Variants in FRYL observed in about 807,000 individuals in gnomAD.
The protein encoded by FRYL is protein furry homolog-like.
A neutral mutation model predicts 351.2 loss-of-function variants in FRYL; 150 were observed. The observed-to-expected ratio is 0.43, with a 90% CI of 0.37 to 0.49. FRYL has a LOEUF of 0.49. Ranked by LOEUF, FRYL falls within the 20% of genes least tolerant of loss-of-function variation. FRYL has a pLI of 0.00. For missense variants in FRYL, 3,036 were observed against 3,619.3 expected (o/e 0.84, Z 4.13); for synonymous variants, 1,153 against 1,257.1 (o/e 0.92, Z 1.75).
rs538696719 is a variant in FRYL, at chr4:48,621,963, T to A, written c.174+1163A>T. 4.4e-4 allele frequency among the ~76,000 whole-genome samples: 67 copies of A among 152,294 alleles called. No individual in the cohort carries two copies. In the South Asian group the frequency reaches 0.012, roughly 27 times the overall value. ...TATTTAACCATACTTTTAAAAAACC[T>A]ATATTTCATTAACAATGAACACTAT... On this transcript the variant is annotated intron_variant, in intron 5 of 63. Transcript: ENST00000358350.
intron 7 of FRYL, among the ~76,000 whole-genome samples, chr4:48,615,967 G>A (rs1029381923): frequency 2.6e-5 from 4 of 152,056 alleles, no homozygotes; most frequent in African/African-American, 9.7e-5. Context: ...CACAAGAACA[G>A]AAAACCAAAC....
chr4:48,623,381 G>C (rs183711526), intron 4 of FRYL, among the ~76,000 whole-genome samples: 1 of 152,076 alleles, frequency 6.6e-6, no homozygotes, highest in Non-Finnish European at 1.5e-5. Flanking sequence ...CAGAGGCAAG[G>C]CTCTCACTGT....
chr4:48,696,478 G>A (rs527621025), intron 2 of FRYL, among the ~76,000 whole-genome samples: 4 of 152,200 alleles, frequency 2.6e-5, no homozygotes, highest in African/African-American at 4.8e-5. Flanking sequence ...GTTAAACAAC[G>A]AGAACACGTG....
chr4:48,536,935 G>A (rs1203973262), intron 47 of FRYL, among the ~76,000 whole-genome samples: 1 of 152,078 alleles, frequency 6.6e-6, no homozygotes, highest in Non-Finnish European at 1.5e-5. Flanking sequence ...GTTATGCAAG[G>A]TCGTGCATAG....
At chr4:48,613,180 T>C (rs1748605242) in intron 7 of FRYL, among the ~76,000 whole-genome samples, 1 of 152,220 alleles carries the variant, frequency 6.6e-6, no homozygotes, top group Admixed American at 6.5e-5. Context: ...TTTTATAAAA[T>C]ATGTTAAATA....
At chr4:48,686,951 C>T (rs1455634330) in intron 2 of FRYL, among the ~76,000 whole-genome samples, 2 of 152,096 alleles carry the variant, frequency 1.3e-5, no homozygotes, top group East Asian at 3.8e-4. Context: ...CTTTTGGTAA[C>T]CCTGGAAAAT....
At chr4:48,701,827 C>A (rs1241479419) in intron 2 of FRYL, among the ~76,000 whole-genome samples, 1 of 152,134 alleles carries the variant, frequency 6.6e-6, no homozygotes, top group Non-Finnish European at 1.5e-5. Context: ...ACCTGGCGAT[C>A]AAATATTTAA....
At chr4:48,597,624 A>G (rs777104627) in intron 13 of FRYL, among the ~76,000 whole-genome samples, 1 of 152,220 alleles carries the variant, frequency 6.6e-6, no homozygotes, top group Non-Finnish European at 1.5e-5. Context: ...TTAGGTACAC[A>G]TGAAATAACA....
At chr4:48,514,473 GA>G (rs1040815923) in intron 56 of FRYL, among the ~76,000 whole-genome samples, 11 of 152,092 alleles carry the variant, frequency 7.2e-5, no homozygotes, top group Admixed American at 2.6e-4. Flanking sequence ...CTTGAGTAAA[GA>G]AAAAGTTCCA....
intron 1 of FRYL, among the ~76,000 whole-genome samples, chr4:48,721,764 C>T (rs561162042): frequency 6.6e-6 from 1 of 152,246 alleles, no homozygotes; most frequent in Admixed American, 6.5e-5. Flanking sequence ...TCTCAGCCTC[C>T]TGAGTAGCTG....
chr4:48,527,711 ATGAGG>A (rs1726569280), intron 52 of FRYL, 58 bp from the exon 53 acceptor site: 1 of 1,513,412 alleles, frequency 6.6e-7, no homozygotes, highest in Admixed American at 2.0e-5. Flanking sequence ...CACTCTGCGT[ATGAGG>A]TATCAGTACC....
At chr4:48,657,818 G>A (rs1759559847) in intron 3 of FRYL, among the ~76,000 whole-genome samples, 1 of 152,138 alleles carries the variant, frequency 6.6e-6, no homozygotes, top group Admixed American at 6.5e-5. Context: ...TATTGAATAA[G>A]GTCCTCCTGG....
intron 49 of FRYL, among the ~76,000 whole-genome samples, chr4:48,532,345 T>C (rs1727848840): frequency 6.6e-6 from 1 of 152,202 alleles, no homozygotes; most frequent in Non-Finnish European, 1.5e-5. Context: ...CTGTGACATT[T>C]TAAGAACAGC....
chr4:48,583,720 T>G (rs1195002211), intron 19 of FRYL, among the ~76,000 whole-genome samples: 1 of 151,756 alleles, frequency 6.6e-6, no homozygotes, highest in African/African-American at 2.4e-5. Context: ...CTGGCCAACA[T>G]GATGAAATCC....
chr4:48,531,252 A>G lies in FRYL; in HGVS notation c.6807T>C (p.Asp2269=), dbSNP rs767682270. ...PSDIPKTYGG[D]TGSPEISFTK... The stretch of plus-strand genomic sequence containing the variant: ...TGAAGGATATTTCAGGAGAACCTGT[A>G]TCTCCTCCATAGGTCTTGGGGATAT... Residue 2269 remains aspartate, a synonymous_variant, in exon 50 of 64, where the codon GAT becomes GAC. Coordinates refer to ENST00000358350, the MANE Select transcript of FRYL (RefSeq NM_015030.2). 6.2e-7 allele frequency: 1 copy of G among 1,609,754 alleles called. No homozygotes were observed. The highest frequency in any genetic ancestry group is 2.2e-5 in the East Asian group (1 of 44,852).
In FRYL at chr4:48,710,564, C is replaced by T. The variant is rs929156151; in HGVS notation, c.-249G>A. ...GGCACAGAGTTTGTAGAAAAGACAC[C>T]AAGTTTGGAAAGGATCCATCTAGAA... On this transcript the variant is annotated 5_prime_UTR_variant, in exon 2 of 64. The change creates a premature stop within an existing upstream ORF in the 5' untranslated region. Transcript: ENST00000358350. The T allele has an allele frequency of 2.0e-5, 8 of 398,370 alleles. No individual in the cohort carries two copies. Among genetic ancestry groups the T allele is most frequent in the African/African-American group, 1.4e-4 (7 of 48,572 alleles). The allele number at this position is 398,370 out of a possible 1,614,324, so 24.7% of individuals were successfully genotyped here.
At position 48,550,707 on chromosome 4, in the gene FRYL, A is replaced by G; in HGVS notation, c.4521-3T>C. ...TGTAAATGTCCAGGTGCACATAGCT[A>G]TGGGAATGATCACTGAAGTTAGTCA... On this transcript the variant is annotated splice_region_variant and splice_polypyrimidine_tract_variant and intron_variant, in intron 37 of 63. Transcript: ENST00000358350. 6.3e-7 allele frequency: 1 copy of G among 1,588,242 alleles called. No individual in the cohort carries two copies. Among genetic ancestry groups the G allele is most frequent in the Non-Finnish European group, 8.6e-7 (1 of 1,156,488 alleles).
At chr4:48,646,188 T>G (rs1456810544) in intron 3 of FRYL, among the ~76,000 whole-genome samples, 1 of 152,190 alleles carries the variant, frequency 6.6e-6, no homozygotes, top group Non-Finnish European at 1.5e-5. Flanking sequence ...ATGAATGCCT[T>G]GACTAACTAC....
At chr4:48,760,884 A>T (rs979856348) in intron 1 of FRYL, among the ~76,000 whole-genome samples, 42 of 151,888 alleles carry the variant, frequency 2.8e-4, no homozygotes, top group Admixed American at 9.9e-4. Flanking sequence ...CGCCATGTTG[A>T]CCAGGCTGGT....
Sources: allele counts gnomAD v4.1 joint callset (sites outside exome capture counted in the v4.1 genomes callset), GRCh38; gene constraint gnomAD v4.1.1; transcripts MANE v1.5; gene names NCBI Gene and HGNC (gene_info 2026-07-23, HGNC 2026-07-21).